ZNF385D: variants seen among roughly 807,000 people sequenced by gnomAD.
ZNF385D encodes zinc finger protein 385D.
A neutral mutation model predicts 35.8 loss-of-function variants in ZNF385D; 15 were observed. That is an observed-to-expected ratio of 0.42 (90% confidence interval 0.28 to 0.64). The LOEUF is 0.64. Among genes scored for constraint, ZNF385D ranks in the 30% least tolerant of loss-of-function variants. The probability of loss-of-function intolerance (pLI) is 0.23; values close to 1 mark genes in which losing one functional copy is unlikely to be tolerated. For missense variants in ZNF385D, 474 were observed against 494.6 expected (o/e 0.96, Z 0.39); for synonymous variants, 212 against 186.8 (o/e 1.13, Z -1.10).
At chr3:22,123,099 C>A (rs980217525) in intron 3 of ZNF385D, among the ~76,000 whole-genome samples, 1 of 151,970 alleles carries the variant, frequency 6.6e-6, no homozygotes, top group Non-Finnish European at 1.5e-5. Context: ...TAGAAACACT[C>A]TGGATGATGA....
At chr3:22,283,110 A>G (rs1559497575) in intron 2 of ZNF385D, among the ~76,000 whole-genome samples, 1 of 152,128 alleles carries the variant, frequency 6.6e-6, no homozygotes, top group Non-Finnish European at 1.5e-5. Flanking sequence ...TAAATGATAA[A>G]GGACTAGTCC....
intron 3 of ZNF385D, among the ~76,000 whole-genome samples, chr3:21,759,918 G>A (rs950996341): frequency 1.3e-5 from 2 of 152,140 alleles, no homozygotes; most frequent in Admixed American, 6.5e-5. Context: ...CAGTGCAACT[G>A]AGCCCCAATG....
intron 3 of ZNF385D, among the ~76,000 whole-genome samples, chr3:21,947,153 A>C (rs1164467903): frequency 1.3e-5 from 2 of 152,210 alleles, no homozygotes; most frequent in South Asian, 2.1e-4. Flanking sequence ...TTAATATACC[A>C]CTTGGATATA....
chr3:21,874,448 T>C (rs1697859125), intron 3 of ZNF385D, among the ~76,000 whole-genome samples: 1 of 152,112 alleles, frequency 6.6e-6, no homozygotes, highest in South Asian at 2.1e-4. Flanking sequence ...TCTCCCACTC[T>C]GTATTGCCTC....
At chr3:22,048,490 G>C (rs1699144899) in intron 3 of ZNF385D, among the ~76,000 whole-genome samples, 1 of 152,076 alleles carries the variant, frequency 6.6e-6, no homozygotes, top group Non-Finnish European at 1.5e-5. Flanking sequence ...AGCCCGATTT[G>C]TTGAAGGGAC....
intron 3 of ZNF385D, among the ~76,000 whole-genome samples, chr3:22,166,741 G>C (rs1028280447): frequency 6.6e-6 from 1 of 152,082 alleles, no homozygotes; most frequent in Non-Finnish European, 1.5e-5. Context: ...ATTATGCTTG[G>C]GACTAACTCT....
intron 2 of ZNF385D, among the ~76,000 whole-genome samples, chr3:22,302,935 TTA>T (rs1187374607): frequency 6.6e-6 from 1 of 152,198 alleles, no homozygotes; most frequent in Non-Finnish European, 1.5e-5. Context: ...TCATCTGTTC[TTA>T]GTTTCATAAG....
At chr3:22,339,854 T>C (rs1054330400) in intron 2 of ZNF385D, among the ~76,000 whole-genome samples, 31 of 152,152 alleles carry the variant, frequency 2.0e-4, no homozygotes, top group Admixed American at 7.9e-4. Flanking sequence ...ACATCCGCTT[T>C]AAAAAACTCT....
rs555321291 is a variant in ZNF385D, at chr3:22,369,792, TCC to T, written c.106+2656_106+2657del. ...ACAAAGTTATCTTACTTGTTCTTAC[TCC>T]TACTTTTAAAACCTCAAAATCTTTA... On this transcript the variant is annotated intron_variant, in intron 2 of 5. Coordinates refer to the ZNF385D transcript ENST00000494108. 2.0e-3 allele frequency among the ~76,000 whole-genome samples: 298 copies of T among 152,294 alleles called. 8 individuals are homozygous for T. In the South Asian group the frequency reaches 0.041, roughly 21 times the overall value.
chr3:21,702,239 T>C (rs531332663), intron 1 of ZNF385D, among the ~76,000 whole-genome samples: 2 of 152,338 alleles, frequency 1.3e-5, no homozygotes, highest in South Asian at 4.1e-4. Context: ...ACCTCAATTC[T>C]GGACTTCTTT....
chr3:21,751,149 C>T lies in ZNF385D; in HGVS notation c.-233G>A. ...CGCTCGGGCTGCCTGCTGCACTGCC[C>T]ATCCTTACTGTAATCCGACTCCTCC... On this transcript the variant is annotated 5_prime_UTR_variant, in exon 1 of 8. An upstream start codon of the reference 5' UTR is lost. Coordinates refer to ENST00000281523, the MANE Select transcript of ZNF385D (RefSeq NM_024697.3). 2 of 1,439,892 alleles carry T rather than the reference C, an allele frequency of 1.4e-6. No homozygotes were observed. Among genetic ancestry groups the T allele is most frequent in the African/African-American group, 1.4e-5 (1 of 69,632 alleles). The allele number at this position is 1,439,892 out of a possible 1,614,324, so 89.2% of individuals were successfully genotyped here.
chr3:22,129,975 G>A (rs929080535), intron 3 of ZNF385D, among the ~76,000 whole-genome samples: 1 of 152,106 alleles, frequency 6.6e-6, no homozygotes, highest in Non-Finnish European at 1.5e-5. Context: ...CATGGCGACT[G>A]CTGCCTGGCT....
intron 3 of ZNF385D, among the ~76,000 whole-genome samples, chr3:21,530,851 A>C (rs1208414464): frequency 3.3e-5 from 5 of 152,180 alleles, no homozygotes; most frequent in Admixed American, 3.3e-4. Context: ...GGAGACCAAG[A>C]GAATAGCAGA....
At chr3:22,215,811 A>G (rs1050661258) in intron 2 of ZNF385D, among the ~76,000 whole-genome samples, 2 of 151,836 alleles carry the variant, frequency 1.3e-5, no homozygotes, top group African/African-American at 2.4e-5. Context: ...TTACGGCTCA[A>G]GGGGCATCAC....
At chr3:21,576,812 G>T (rs1293135307) in intron 2 of ZNF385D, among the ~76,000 whole-genome samples, 1 of 152,066 alleles carries the variant, frequency 6.6e-6, no homozygotes, top group Non-Finnish European at 1.5e-5. Context: ...AAGTGATTTT[G>T]TTCTATTAAT....
At chr3:22,309,259 C>T (rs1327317145) in intron 2 of ZNF385D, among the ~76,000 whole-genome samples, 1 of 147,476 alleles carries the variant, frequency 6.8e-6, no homozygotes. Context: ...TCTGTAGCTG[C>T]TTTTGCTTTA....
At chr3:21,882,995 A>G (rs1268983194) in intron 3 of ZNF385D, among the ~76,000 whole-genome samples, 3 of 152,002 alleles carry the variant, frequency 2.0e-5, no homozygotes, top group African/African-American at 7.2e-5. Flanking sequence ...ACTATTGAAC[A>G]AACCCTCATT....
intron 2 of ZNF385D, among the ~76,000 whole-genome samples, chr3:21,601,670 C>G (rs1450046351): frequency 6.6e-6 from 1 of 152,232 alleles, no homozygotes; most frequent in South Asian, 2.1e-4. Context: ...GATCACCACA[C>G]TTCTCTTGCT....
chr3:21,512,667 AGT>A (rs1170905622), intron 3 of ZNF385D, among the ~76,000 whole-genome samples: 1 of 152,202 alleles, frequency 6.6e-6, no homozygotes, highest in African/African-American at 2.4e-5. Context: ...CAAAAGACAT[AGT>A]GTGAGCCAAA....
Sources: allele counts gnomAD v4.1 joint callset (sites outside exome capture counted in the v4.1 genomes callset), GRCh38; gene constraint gnomAD v4.1.1; transcripts MANE v1.5; gene names NCBI Gene and HGNC (gene_info 2026-07-23, HGNC 2026-07-21).